PROS1: variants seen among roughly 807,000 people sequenced by gnomAD.
PROS1 encodes vitamin K-dependent protein S.
A neutral mutation model predicts 75.9 loss-of-function variants in PROS1; 29 were observed. The ratio of observed to expected loss-of-function variants is 0.38; its 90% CI spans 0.28 to 0.52. The LOEUF is 0.52. Among genes scored for constraint, PROS1 ranks in the 20% least tolerant of loss-of-function variants. PROS1 has a pLI of 0.83. For missense variants in PROS1, 680 were observed against 810.3 expected, an observed-to-expected ratio of 0.84 and a Z score of 1.95; for synonymous variants, 245 against 280.6, an observed-to-expected ratio of 0.87 and a Z score of 1.27.
At chr3:93,903,658 T>C (rs1210923695) in intron 6 of PROS1, among the ~76,000 whole-genome samples, 1 of 152,114 alleles carries the variant, frequency 6.6e-6, no homozygotes, top group African/African-American at 2.4e-5. Flanking sequence ...AGCAAAACCC[T>C]ATCTATCTTA....
At chr3:93,966,338 C>G (rs1393201222) in intron 1 of PROS1, among the ~76,000 whole-genome samples, 4 of 152,120 alleles carry the variant, frequency 2.6e-5, no homozygotes, top group Non-Finnish European at 5.9e-5. Flanking sequence ...CAAGAATTGT[C>G]CCAGAGATGA....
chr3:93,959,018 A>G (rs1417515271), intron 1 of PROS1, among the ~76,000 whole-genome samples: 1 of 152,198 alleles, frequency 6.6e-6, no homozygotes, highest in Non-Finnish European at 1.5e-5. Context: ...TATTTAAGCA[A>G]CTTTTGTAAT....
chr3:93,924,067 T>A (rs1264713701), intron 3 of PROS1, among the ~76,000 whole-genome samples, 173 bp downstream of exon 3: 3 of 152,260 alleles, frequency 2.0e-5, no homozygotes, highest in South Asian at 4.1e-4. Flanking sequence ...CCGTTCCAAA[T>A]TTCTCAACAT....
Position 93,897,542 on chromosome 3 carries a change from G to A in PROS1, c.850-851C>T, listed in dbSNP as rs532265388. ...TACAAAATAGATGTTCACACAGCAT[G>A]GCATTTCAATTAAGTAGTAACGTAC... On this transcript the variant is annotated intron_variant, in intron 8 of 14. Coordinates refer to ENST00000394236, the MANE Select transcript of PROS1 (RefSeq NM_000313.4). 1.4e-4 allele frequency among the ~76,000 whole-genome samples: 22 copies of A among 152,130 alleles called. No homozygotes were observed. The South Asian group carries it at 4.4e-3, about 30-fold the overall frequency.
intron 9 of PROS1, among the ~76,000 whole-genome samples, chr3:93,894,758 C>A (rs574830069): frequency 4.6e-5 from 7 of 152,062 alleles, no homozygotes; most frequent in Non-Finnish European, 1.0e-4. Context: ...TAAATAAAAG[C>A]ACTAGCTATT....
chr3:93,887,122 G>T (rs1407110642), intron 10 of PROS1, among the ~76,000 whole-genome samples: 1 of 151,784 alleles, frequency 6.6e-6, no homozygotes, highest in African/African-American at 2.4e-5. Context: ...GTTTCACCTT[G>T]TTAGCCAGGA....
chr3:93,926,003 C>G (rs1709011275), intron 2 of PROS1, among the ~76,000 whole-genome samples: 1 of 152,046 alleles, frequency 6.6e-6, no homozygotes, highest in African/African-American at 2.4e-5. Flanking sequence ...TCTTCTCCCT[C>G]ACTGGGCTTT....
At chr3:93,917,798 T>C (rs1708880591) in intron 3 of PROS1, among the ~76,000 whole-genome samples, 1 of 152,164 alleles carries the variant, frequency 6.6e-6, no homozygotes, top group Admixed American at 6.5e-5. Flanking sequence ...GCTTGATTTC[T>C]CGCCAGGCCT....
intron 1 of PROS1, among the ~76,000 whole-genome samples, chr3:93,966,809 C>CAAA (rs752321696): frequency 3.9e-5 from 3 of 76,548 alleles, no homozygotes. Flanking sequence ...GACTCTGTTC[C>CAAA]AAAAAAAAAA....
chr3:93,926,061 TAC>T (rs2107200427), intron 2 of PROS1, among the ~76,000 whole-genome samples: 1 of 152,132 alleles, frequency 6.6e-6, no homozygotes, highest in Non-Finnish European at 1.5e-5. Flanking sequence ...GTGTTAGAAA[TAC>T]ACACTCAATA....
intron 1 of PROS1, among the ~76,000 whole-genome samples, chr3:93,937,177 T>C (rs186822087): frequency 2.6e-5 from 4 of 152,222 alleles, no homozygotes; most frequent in Admixed American, 2.6e-4. Flanking sequence ...TTTCTGTCCC[T>C]TTTAAGGGCT....
At chr3:93,945,508 T>C (rs1402102915) in intron 1 of PROS1, among the ~76,000 whole-genome samples, 2 of 152,156 alleles carry the variant, frequency 1.3e-5, no homozygotes, top group Non-Finnish European at 2.9e-5. Context: ...GTTCAACATA[T>C]GTAAATCAAT....
At chr3:93,894,442 G>A (rs138048429) in intron 9 of PROS1, among the ~76,000 whole-genome samples, 1 of 152,268 alleles carries the variant, frequency 6.6e-6, no homozygotes, top group South Asian at 2.1e-4. Context: ...GCATTTTGCT[G>A]ATGTGAAGCA....
At chr3:93,937,779 G>A (rs905191242) in intron 1 of PROS1, among the ~76,000 whole-genome samples, 4 of 152,110 alleles carry the variant, frequency 2.6e-5, no homozygotes, top group African/African-American at 9.7e-5. Flanking sequence ...CTTGAAACAG[G>A]TACTTAGTAT....
chr3:93,896,517 T>A, intron 9 of PROS1, 59 bp downstream of exon 9: 1 of 1,324,594 alleles, frequency 7.5e-7, no homozygotes, highest in Admixed American at 1.7e-5. Flanking sequence ...TTTCGGCCAC[T>A]TTTCTTCTGC....
intron 1 of PROS1, among the ~76,000 whole-genome samples, chr3:93,964,353 A>T (rs1205059761): frequency 6.6e-6 from 1 of 152,176 alleles, no homozygotes; most frequent in Non-Finnish European, 1.5e-5. Context: ...AGCAAGGAAT[A>T]TTAATATTAA....
chr3:93,935,428 G>GAC (rs1316666245), intron 1 of PROS1, among the ~76,000 whole-genome samples: 1 of 151,992 alleles, frequency 6.6e-6, no homozygotes, highest in Non-Finnish European at 1.5e-5. Flanking sequence ...TGTTCTATTT[G>GAC]ACTTATTTTG....
intron 3 of PROS1, among the ~76,000 whole-genome samples, chr3:93,916,105 A>C (rs565124991): frequency 3.9e-5 from 6 of 152,258 alleles, no homozygotes; most frequent in Admixed American, 3.9e-4. Flanking sequence ...GCATCATCCC[A>C]TGACAGAAGG....
intron 1 of PROS1, among the ~76,000 whole-genome samples, chr3:93,969,526 A>G (rs540519377): frequency 1.2e-4 from 18 of 152,192 alleles, no homozygotes; most frequent in Non-Finnish European, 2.1e-4. Flanking sequence ...TGCCAGGCTA[A>G]GCCAAAATGA....
Sources: gnomAD v4.1 joint callset for allele counts (sites outside exome capture counted in the v4.1 genomes callset) on GRCh38, gnomAD v4.1.1 for gene constraint, MANE v1.5 for transcripts, NCBI Gene and HGNC (gene_info 2026-07-23, HGNC 2026-07-21) for gene names.